Variants in PRH1 observed in about 807,000 individuals in gnomAD.
PRH1 encodes the protein proline rich protein HaeIII subfamily 1.
Under a neutral mutation model 7.9 loss-of-function variants are expected in PRH1, and 7 were observed. That is an observed-to-expected ratio of 0.89 (90% confidence interval 0.50 to 1.67). The LOEUF is 1.67. Ranked by LOEUF, PRH1 falls within the 40% of genes most tolerant of loss-of-function variation. The pLI is 0.00. For synonymous variants in PRH1, 45 were observed against 80.8 expected (o/e 0.56, Z 2.38); for missense variants, 109 against 223.6 (o/e 0.49, Z 3.27).
chr12:11,135,872 T>C (rs1166477153), intron 1 of PRH1, among the ~76,000 whole-genome samples: 1 of 152,202 alleles, frequency 6.6e-6, no homozygotes, highest in Non-Finnish European at 1.5e-5. Context: ...TTCCCCTCAG[T>C]ATATAATGAG....
At chr12:10,942,792 T>A (rs1329036355) in intron 2 of PRH1, among the ~76,000 whole-genome samples, 3 of 152,194 alleles carry the variant, frequency 2.0e-5, no homozygotes, top group African/African-American at 7.2e-5. Flanking sequence ...CTGTGGCATT[T>A]CCCTCTTGTC....
At chr12:10,914,493 G>T (rs2135835290) in intron 2 of PRH1, among the ~76,000 whole-genome samples, 1 of 152,312 alleles carries the variant, frequency 6.6e-6, no homozygotes, top group South Asian at 2.1e-4. Context: ...CCTGTCTAAG[G>T]TTAGACAAGG....
Position 10,884,213 on chromosome 12 carries a change from A to G in PRH1, c.5T>C (p.Leu2Pro). Reference sequence around the variant, plus strand: ...CAGGGCCACTGACAGCAGAATCAGAAGCATCTTGCAGGAGGCTCTGGTGTC... The same window carrying G: ...CAGGGCCACTGACAGCAGAATCAGAGGCATCTTGCAGGAGGCTCTGGTGTC... MLLILLSVALLA... is the reference protein window; with the variant it reads MPLILLSVALLA... The change falls in exon 1 of 4, where the codon CTT becomes CCT. Residue 2 changes from leucine to proline, a missense_variant. By Grantham distance (98) the Leu-to-Pro change is moderately conservative. Around this residue, in one of 3 missense-constraint regions of PRH1, gnomAD observed 60 missense variants for 76.5 expected, o/e 0.78. Transcript: ENST00000543626. 6.2e-7 allele frequency: 1 copy of G among 1,614,200 alleles called. No homozygotes were observed. Among genetic ancestry groups the G allele is most frequent in the African/African-American group, 1.3e-5 (1 of 75,060 alleles).
chr12:11,170,909 A>T (rs1947815681), intron 1 of PRH1, among the ~76,000 whole-genome samples: 2 of 149,478 alleles, frequency 1.3e-5, no homozygotes, highest in East Asian at 3.9e-4. Flanking sequence ...TCTTGCCCTA[A>T]TATTAATATT....
chr12:11,086,112 C>CCA lies in PRH1; in HGVS notation n.124-38926_124-38925dup, dbSNP rs1555161552. Among the ~76,000 whole-genome samples, 574 of 86,400 alleles carry CCA rather than the reference C, an allele frequency of 6.6e-3. 26 individuals are homozygous for CCA. Among genetic ancestry groups the CCA allele is most frequent in the African/African-American group, 0.026 (541 of 21,098 alleles). 56.7% of individuals were successfully genotyped at this position (86,400 alleles called of 152,430 possible). On this transcript the variant is annotated intron_variant and non_coding_transcript_variant, in intron 1 of 4. Transcript: ENST00000541977. ...CATTAACATAAACACATTCCCCCCC[C>CCA]CACACACACACCCCTCATGGTTGAG...
chr12:10,885,971 G>A (rs1949486011), upstream of PRH1, among the ~76,000 whole-genome samples: 1 of 152,192 alleles, frequency 6.6e-6, no homozygotes, highest in African/African-American at 2.4e-5. Context: ...AGACGACATT[G>A]TTCTTGTAAG....
chr12:11,109,911 A>G (rs1055509167), intron 1 of PRH1, among the ~76,000 whole-genome samples: 3 of 152,212 alleles, frequency 2.0e-5, no homozygotes, highest in Non-Finnish European at 4.4e-5. Context: ...CAAGGGAGCC[A>G]AGAACCTTGA....
chr12:10,999,440 G>A (rs1005466069), intron 1 of PRH1, among the ~76,000 whole-genome samples: 3 of 152,024 alleles, frequency 2.0e-5, no homozygotes, highest in Non-Finnish European at 4.4e-5. Flanking sequence ...CGTAAATGGT[G>A]GATTTTCCCC....
At chr12:11,006,112 T>G (rs1012418238) in intron 1 of PRH1, 1 of 152,014 alleles carries the variant, frequency 6.6e-6, no homozygotes, top group Non-Finnish European at 1.5e-5. Context: ...AGGAAACCAG[T>G]TTTTCTGCTT....
At chr12:11,030,757 T>C (rs773013351) in intron 1 of PRH1, 62 of 1,614,038 alleles carry the variant, frequency 3.8e-5, no homozygotes, top group East Asian at 1.1e-4. Flanking sequence ...GCAAAAAACA[T>C]AGCAGGGTCA....
downstream of PRH1, among the ~76,000 whole-genome samples, chr12:11,118,097 C>A (rs1217787513): frequency 6.6e-6 from 1 of 152,058 alleles, no homozygotes; most frequent in African/African-American, 2.4e-5. Flanking sequence ...TACTTCTGCA[C>A]AGCAAAGGTA....
chr12:11,030,505 G>A (rs1942141170), intron 1 of PRH1: 2 of 1,614,260 alleles, frequency 1.2e-6, no homozygotes, highest in East Asian at 2.2e-5. Flanking sequence ...AAATCAGGAT[G>A]AATGGGTGGA....
chr12:11,115,256 C>T (rs1211960147), intron 1 of PRH1, among the ~76,000 whole-genome samples: 6 of 151,984 alleles, frequency 3.9e-5, no homozygotes, highest in African/African-American at 1.2e-4. Flanking sequence ...AGTACCTATA[C>T]AAGTATTAGA....
chr12:10,941,296 T>C (rs961858035), intron 2 of PRH1, among the ~76,000 whole-genome samples: 1 of 152,156 alleles, frequency 6.6e-6, no homozygotes, highest in Non-Finnish European at 1.5e-5. Context: ...TAGGTTTTCA[T>C]TGGAACAACA....
intron 1 of PRH1, among the ~76,000 whole-genome samples, chr12:11,149,639 C>T (rs1373535377): frequency 2.1e-5 from 3 of 143,582 alleles, no homozygotes; most frequent in African/African-American, 7.7e-5. Context: ...AAACTGGATC[C>T]CTTCCTTACA....
chr12:11,114,334 G>A lies in PRH1; in HGVS notation n.123+57088C>T, dbSNP rs546114581. On this transcript the variant is annotated intron_variant and non_coding_transcript_variant, in intron 1 of 4. Coordinates refer to the PRH1 transcript ENST00000541977. The stretch of plus-strand genomic sequence containing the variant: ...GGAATACTATGCAGCCATAAAAAAG[G>A]ATGAGTTCATGTCCTTTGCAGGGAC... Among the ~76,000 whole-genome samples the A allele has an allele frequency of 1.1e-4, 17 of 152,068 alleles. No homozygotes were observed. In the South Asian group the frequency reaches 3.3e-3, roughly 30 times the overall value.
intron 1 of PRH1, among the ~76,000 whole-genome samples, chr12:11,003,528 T>C (rs1940689644): frequency 6.6e-6 from 1 of 151,934 alleles, no homozygotes; most frequent in Non-Finnish European, 1.5e-5. Flanking sequence ...ATGTTTCGCT[T>C]TACAGTTTTG....
chr12:11,103,689 AAAAT>A (rs777045796), intron 1 of PRH1, among the ~76,000 whole-genome samples: 3 of 152,052 alleles, frequency 2.0e-5, no homozygotes, highest in Admixed American at 6.6e-5. Flanking sequence ...AAGTAAAATA[AAAAT>A]AAATAAATAA....
chr12:10,929,474 G>C, intron 2 of PRH1: 1 of 1,033,658 alleles, frequency 9.7e-7, no homozygotes, highest in East Asian at 2.5e-5. Context: ...AGGATCAGAA[G>C]ACCTGTTGTG....
Sources: gnomAD v4.1 joint callset for allele counts (sites outside exome capture counted in the v4.1 genomes callset) on GRCh38, gnomAD v4.1.1 for gene constraint, gnomAD v4.1.1 regional missense constraint, MANE v1.5 for transcripts, NCBI Gene and HGNC (gene_info 2026-07-23, HGNC 2026-07-21) for gene names.